MALAT1: variants seen among roughly 807,000 people sequenced by gnomAD.
MALAT1 encodes metastasis associated lung adenocarcinoma transcript 1, also known as hepcarcin.
At chr11:65,503,261 C>T (rs1565054550) in exon 3 of MALAT1, 3 of 516,856 alleles carry the variant, frequency 5.8e-6, no homozygotes, top group South Asian at 1.4e-5. Flanking sequence ...CTGTGGAGTT[C>T]TTAAATATCA....
exon 4 of MALAT1, chr11:65,506,274 C>A: frequency 2.2e-6 from 1 of 454,598 alleles, no homozygotes; most frequent in Non-Finnish European, 4.2e-6. Flanking sequence ...GAGGTAACAG[C>A]ACAATATCTT....
Position 65,505,982 on chromosome 11 carries a change from T to C in MALAT1, n.5169-278T>C, listed in dbSNP as rs202070768. The C allele has an allele frequency of 3.0e-4, 138 of 455,960 alleles. No homozygotes were observed. The Middle Eastern group carries it at 0.01, about 34-fold the overall frequency. The allele number at this position is 455,960 out of a possible 1,614,324, so 28.2% of individuals were successfully genotyped here. A position where few individuals can be genotyped will look rare whatever the true frequency, so the allele number is the denominator to read the frequency against. Reference sequence around the variant, plus strand: ...CATAACAGACTTGGCCAAGCTAGCATCTTAGCGGAAGCTGATCTCCAATGC... The same window carrying C: ...CATAACAGACTTGGCCAAGCTAGCACCTTAGCGGAAGCTGATCTCCAATGC... On this transcript the variant is annotated intron_variant and non_coding_transcript_variant, in intron 3 of 3. Transcript: ENST00000619449.
rs745757922 is a variant in MALAT1 at position 65,505,700 on chromosome 11, T to C, written n.5169-560T>C. On this transcript the variant is annotated intron_variant and non_coding_transcript_variant, in intron 3 of 3. Transcript: ENST00000619449. ...TCGAGGTCTTTGGTGGGTTGAACTA[T>C]GTTAGAAAAGGCCATTAATTTGCCT... The C allele has an allele frequency of 2.3e-5, 12 of 518,892 alleles. No homozygotes were observed. In the East Asian group the frequency reaches 6.5e-4, roughly 28 times the overall value. The allele number at this position is 518,892 out of a possible 1,614,324, so 32.1% of individuals were successfully genotyped here.
At chr11:65,502,763 T>TG in exon 3 of MALAT1, 1 of 516,224 alleles carries the variant, frequency 1.9e-6, no homozygotes, top group Non-Finnish European at 3.9e-6. Flanking sequence ...ATACCTCCAT[T>TG]GGGGAATAAG....
chr11:65,504,283 A>AGGG (rs749683708), intron 3 of MALAT1: 9 of 481,648 alleles, frequency 1.9e-5, no homozygotes, highest in Non-Finnish European at 3.6e-5. Flanking sequence ...GGATGGGAGG[A>AGGG]GGGGGTGGGG....
exon 3 of MALAT1, chr11:65,503,555 T>C (rs1321656684): frequency 3.9e-6 from 2 of 518,412 alleles, no homozygotes; most frequent in Non-Finnish European, 3.9e-6. Context: ...TGCTAAAATT[T>C]ACATGTTGTG....
At chr11:65,497,894 C>A (rs755571473) in intron 1 of MALAT1, 12 of 518,544 alleles carry the variant, frequency 2.3e-5, no homozygotes, top group Admixed American at 3.9e-5. Context: ...CTCCGGGAGC[C>A]CAGGTTTCCC....
chr11:65,499,001 AG>A (rs780610143), exon 3 of MALAT1: 3 of 518,844 alleles, frequency 5.8e-6, no homozygotes, highest in South Asian at 2.8e-5. Context: ...CGGTGATGCG[AG>A]TTGTTCTCCG....
exon 3 of MALAT1, chr11:65,500,978 C>G (rs964813278): frequency 2.0e-6 from 1 of 512,546 alleles, no homozygotes; most frequent in Admixed American, 2.0e-5. Context: ...CTGCCAAGTC[C>G]TGGAGAAATA....
intron 1 of MALAT1, chr11:65,498,626 G>A (rs181344966): frequency 7.7e-6 from 4 of 518,712 alleles, no homozygotes; most frequent in Admixed American, 5.8e-5. Context: ...CTGGGGCTCA[G>A]TTGCGTAATG....
chr11:65,505,346 T>C (rs1854658571), intron 3 of MALAT1: 2 of 518,770 alleles, frequency 3.9e-6, no homozygotes, highest in South Asian at 1.4e-5. Context: ...TCCCTCTTTC[T>C]GGAGTGAAGC....
chr11:65,503,834 TGAG>T (rs1565055203), exon 3 of MALAT1: 1 of 517,750 alleles, frequency 1.9e-6, no homozygotes, highest in Non-Finnish European at 3.9e-6. Flanking sequence ...CATAAAGTGA[TGAG>T]CATATAATAA....
At chr11:65,505,878 A>G in intron 3 of MALAT1, 1 of 445,554 alleles carries the variant, frequency 2.2e-6, no homozygotes, top group Non-Finnish European at 4.4e-6. Context: ...TGTAGACTGG[A>G]GAAGATAGGC....
At chr11:65,503,472 A>C in exon 3 of MALAT1, 1 of 517,562 alleles carries the variant, frequency 1.9e-6, no homozygotes, top group Non-Finnish European at 3.9e-6. Flanking sequence ...AACTAAGGAA[A>C]TTTGTTTAGC....
intron 3 of MALAT1, chr11:65,504,788 T>C (rs1402646164): frequency 1.9e-6 from 1 of 518,840 alleles, no homozygotes; most frequent in Non-Finnish European, 3.8e-6. Context: ...GGTTTCTCTC[T>C]CCCCTCCCTT....
At chr11:65,502,638 CTT>C (rs756567301) in exon 3 of MALAT1, 1 of 475,932 alleles carries the variant, frequency 2.1e-6, no homozygotes, top group Non-Finnish European at 4.0e-6. Context: ...TTTCTATAGA[CTT>C]TTTTCAGATA....
intron 3 of MALAT1, chr11:65,505,025 C>T (rs752614436): frequency 3.9e-6 from 2 of 518,776 alleles, no homozygotes; most frequent in Admixed American, 1.9e-5. Flanking sequence ...AACAGGTGAA[C>T]AAGCTTTTTC....
intron 2 of MALAT1, chr11:65,498,749 C>A: frequency 3.9e-6 from 2 of 518,854 alleles, no homozygotes; most frequent in South Asian, 2.8e-5. Context: ...TTTAAAAGTT[C>A]CGGGGGTTTT....
Position 65,505,454 on chromosome 11 carries a change from G to C in MALAT1, n.5169-806G>C, listed in dbSNP as rs77839640. The C allele has an allele frequency of 2.9e-5, 15 of 512,700 alleles. No homozygotes were observed. In the East Asian group the frequency reaches 8.2e-4, roughly 28 times the overall value. The allele number at this position is 512,700 out of a possible 1,614,324, so 31.8% of individuals were successfully genotyped here. A position where few individuals can be genotyped will look rare whatever the true frequency, so the allele number is the denominator to read the frequency against. ...AATAATAAAGCCCAAATCTCAAGCGGTGCTTGAAGGGGAGGGAAAGGGGGA... is the reference window on the plus strand; with the variant it reads ...AATAATAAAGCCCAAATCTCAAGCGCTGCTTGAAGGGGAGGGAAAGGGGGA... On this transcript the variant is annotated intron_variant and non_coding_transcript_variant, in intron 3 of 3. Transcript: ENST00000619449.
Sources: allele counts gnomAD v4.1 joint callset, GRCh38; gene constraint gnomAD v4.1.1; transcripts MANE v1.5; gene names NCBI Gene and HGNC (gene_info 2026-07-23, HGNC 2026-07-21).